Variants in TMEM67 observed in about 807,000 individuals in gnomAD.
TMEM67 encodes transmembrane protein 67.
In TMEM67, 124 loss-of-function variants were observed where a neutral mutation model predicts 136.6. The observed-to-expected ratio is 0.91, with a 90% CI of 0.78 to 1.05. TMEM67 has a LOEUF of 1.05. TMEM67 is among the 50% of genes least tolerant of loss of function. The probability of loss-of-function intolerance (pLI) is 0.00; values close to 1 mark genes in which losing one functional copy is unlikely to be tolerated. For missense variants in TMEM67, 1,107 were observed against 1,178.4 expected (o/e 0.94, Z 0.89); for synonymous variants, 364 against 390.5 (o/e 0.93, Z 0.80).
chr8:93,771,223 T>C (rs1248328872), intron 6 of TMEM67, among the ~76,000 whole-genome samples: 1 of 151,930 alleles, frequency 6.6e-6, no homozygotes, highest in Non-Finnish European at 1.5e-5. Context: ...CAATTTTCTG[T>C]AGAAGCACTT....
At chr8:93,762,396 T>C (rs1297869928) in intron 3 of TMEM67, among the ~76,000 whole-genome samples, 1 of 151,106 alleles carries the variant, frequency 6.6e-6, no homozygotes, top group African/African-American at 2.4e-5. Flanking sequence ...GGGGTCTTAC[T>C]ATATATCTCA....
At chr8:93,801,608 G>T (rs943514029) in intron 21 of TMEM67, among the ~76,000 whole-genome samples, 3 of 151,980 alleles carry the variant, frequency 2.0e-5, no homozygotes, top group African/African-American at 7.3e-5. Context: ...TACCATGTTG[G>T]CCAGGCTGGT....
chr8:93,831,555 T>C, the TMEM67 span, among the ~76,000 whole-genome samples: 1 of 152,238 alleles, frequency 6.6e-6, no homozygotes, highest in Non-Finnish European at 1.5e-5. Flanking sequence ...CCCTGTCATG[T>C]AATATCCAAG....
rs962965436 is a variant in TMEM67 at position 93,808,257 on chromosome 8, T to C, written c.2440-583T>C. Among the ~76,000 whole-genome samples, 3 of 145,102 alleles carry C rather than the reference T, an allele frequency of 2.1e-5. No individual in the cohort carries two copies. In the Admixed American group the frequency reaches 2.1e-4, roughly 10 times the overall value. ...CTCTACTTAAATATATAAATATATG[T>C]GATAAATATATAAATATATATACCT... On this transcript the variant is annotated intron_variant, in intron 23 of 27. Transcript: ENST00000453321.
the TMEM67 span, among the ~76,000 whole-genome samples, chr8:93,826,178 G>A: frequency 1.7e-5 from 2 of 116,992 alleles, no homozygotes; most frequent in African/African-American, 6.4e-5. Flanking sequence ...CACCCAGGCC[G>A]GACTGCAGTG....
chr8:93,782,976 T>G (rs1413506815), intron 11 of TMEM67, among the ~76,000 whole-genome samples: 1 of 151,984 alleles, frequency 6.6e-6, no homozygotes, highest in Non-Finnish European at 1.5e-5. Flanking sequence ...CAGAGCACCT[T>G]GTTATCTATA....
At chr8:93,796,964 T>G (rs1404935987) in intron 18 of TMEM67, among the ~76,000 whole-genome samples, 170 bp from the exon 19 acceptor site, 1 of 152,248 alleles carries the variant, frequency 6.6e-6, no homozygotes, top group Non-Finnish European at 1.5e-5. Flanking sequence ...TTCCAGGTTA[T>G]CTGATGAGCT....
chr8:93,761,365 C>T (rs1394438695), intron 3 of TMEM67, among the ~76,000 whole-genome samples: 9 of 152,142 alleles, frequency 5.9e-5, no homozygotes, highest in African/African-American at 2.4e-5. Context: ...AATAGTTATT[C>T]GTGTATTAAT....
the TMEM67 span, among the ~76,000 whole-genome samples, chr8:93,829,398 G>A: frequency 3.3e-5 from 5 of 152,058 alleles, no homozygotes; most frequent in Non-Finnish European, 7.4e-5. Context: ...GTGTGTGTGT[G>A]TGTGTGTGTG....
chr8:93,811,120 T>C (rs1164723242), intron 26 of TMEM67, among the ~76,000 whole-genome samples: 1 of 152,210 alleles, frequency 6.6e-6, no homozygotes, highest in Non-Finnish European at 1.5e-5. Flanking sequence ...TTTAACAGAC[T>C]ATGGAAGACA....
chr8:93,795,293 A>C (rs1814558304), intron 16 of TMEM67, 116 bp from the exon 17 acceptor site: 5 of 888,922 alleles, frequency 5.6e-6, no homozygotes, highest in South Asian at 1.3e-5. Flanking sequence ...GGGATATGTG[A>C]AACAAGGCTT....
intron 18 of TMEM67, among the ~76,000 whole-genome samples, chr8:93,796,480 T>C (rs1412656084): frequency 6.6e-6 from 1 of 152,198 alleles, no homozygotes; most frequent in Non-Finnish European, 1.5e-5. Flanking sequence ...GTAGTCCTTA[T>C]CCTATTTTAC....
At chr8:93,758,933 A>AT (rs138092230) in intron 3 of TMEM67, 2,822 of 167,608 alleles carry the variant, frequency 0.017, 84 homozygotes, top group African/African-American at 0.061. Flanking sequence ...TTTTGTACAA[A>AT]TTAATGATAC....
intron 16 of TMEM67, 77 bp downstream of exon 16, chr8:93,793,373 G>T (rs888179956): frequency 8.1e-7 from 1 of 1,240,910 alleles, no homozygotes; most frequent in African/African-American, 1.5e-5. Flanking sequence ...CACAGCTAGA[G>T]AATAAGTAAA....
chr8:93,786,072 T>G (rs1348613466), intron 12 of TMEM67, 151 bp from the exon 13 acceptor site: 1 of 712,622 alleles, frequency 1.4e-6, no homozygotes, highest in Non-Finnish European at 2.3e-6. Flanking sequence ...AGACCCTGTC[T>G]AAAAAAAACA....
chr8:93,755,281 A>G (rs1812519192), intron 1 of TMEM67, 144 bp downstream of exon 1: 1 of 835,916 alleles, frequency 1.2e-6, no homozygotes, highest in Non-Finnish European at 2.0e-6. Flanking sequence ...CCGCCTCCCA[A>G]AGTGCTGGGA....
chr8:93,764,214 A>G (rs1156863453), intron 4 of TMEM67, among the ~76,000 whole-genome samples: 1 of 152,194 alleles, frequency 6.6e-6, no homozygotes, highest in Non-Finnish European at 1.5e-5. Flanking sequence ...CACCCACTTC[A>G]TAGGCTGTAA....
chr8:93,799,016 T>C (rs1259419292), intron 20 of TMEM67, among the ~76,000 whole-genome samples: 1 of 151,554 alleles, frequency 6.6e-6, no homozygotes, highest in African/African-American at 2.4e-5. Context: ...AAAGGTGTTA[T>C]GTGAAAAAGT....
intron 2 of TMEM67, among the ~76,000 whole-genome samples, chr8:93,757,944 A>T (rs1812656161): frequency 6.6e-6 from 1 of 152,114 alleles, no homozygotes; most frequent in Non-Finnish European, 1.5e-5. Flanking sequence ...TTTAGTAGAG[A>T]CGAGGTTTCA....
Sources: gnomAD v4.1 joint callset for allele counts (sites outside exome capture counted in the v4.1 genomes callset) on GRCh38, gnomAD v4.1.1 for gene constraint, MANE v1.5 for transcripts, NCBI Gene and HGNC (gene_info 2026-07-23, HGNC 2026-07-21) for gene names.